Variants in REXO5 observed in about 807,000 individuals in gnomAD.
REXO5 encodes exonuclease NEF-sp.
In REXO5, 48 loss-of-function variants were observed where a neutral mutation model predicts 88.5. The ratio of observed to expected loss-of-function variants is 0.54; its 90% CI spans 0.43 to 0.69. The LOEUF (loss-of-function observed/expected upper bound fraction) is 0.69. REXO5 is among the 30% of genes least tolerant of loss of function. The pLI is 0.00. For synonymous variants in REXO5, 311 were observed against 336.5 expected (o/e 0.92, Z 0.83); for missense variants, 749 against 912.2 (o/e 0.82, Z 2.30).
intron 9 of REXO5, 70 bp from the exon 10 acceptor site, chr16:20,827,283 C>T (rs2081274056): frequency 6.2e-7 from 1 of 1,600,316 alleles, no homozygotes; most frequent in African/African-American, 1.3e-5. Flanking sequence ...TCTTCTCTCC[C>T]ACCCTGCTAG....
intron 2 of REXO5, among the ~76,000 whole-genome samples, chr16:20,812,386 G>A (rs1774121343): frequency 6.6e-6 from 1 of 152,112 alleles, no homozygotes; most frequent in Non-Finnish European, 1.5e-5. Context: ...TTAGCCAGGT[G>A]TGGTGGCATA....
chr16:20,832,276 GAA>G lies in REXO5; in HGVS notation c.1262+19_1262+20del. The G allele has an allele frequency of 6.6e-7, 1 of 1,522,222 alleles. No homozygotes were observed. The highest frequency in any genetic ancestry group is 9.1e-7 in the Non-Finnish European group (1 of 1,104,570). The allele number at this position is 1,522,222 out of a possible 1,614,324, so 94.3% of individuals were successfully genotyped here. A position where few individuals can be genotyped will look rare whatever the true frequency, so the allele number is the denominator to read the frequency against. ...AAACACAAGGTAATATTTTCAGTTT[GAA>G]ACAAGAGCAAAGACAAATGGAGTAT... On this transcript the variant is annotated intron_variant, in intron 12 of 19. Transcript: ENST00000261377.
intron 6 of REXO5, chr16:20,823,572 G>A (rs2081218149): frequency 6.6e-6 from 1 of 152,156 alleles, no homozygotes; most frequent in African/African-American, 2.4e-5. Context: ...TGAGATTTGA[G>A]GCTGCCTTTC....
At chr16:20,820,527 TA>T (rs2081156743) in intron 5 of REXO5, among the ~76,000 whole-genome samples, 1 of 9,952 alleles carries the variant, frequency 1.0e-4, no homozygotes, top group Non-Finnish European at 2.3e-4. Flanking sequence ...TATATATATA[TA>T]TATATATATA....
chr16:20,840,597 C>T, intron 15 of REXO5, 129 bp downstream of exon 15: 1 of 721,830 alleles, frequency 1.4e-6, no homozygotes, highest in Non-Finnish European at 2.2e-6. Context: ...GTGAGACATA[C>T]TCTAATGAGA....
At chr16:20,815,561 A>G (rs949763655) in intron 4 of REXO5, among the ~76,000 whole-genome samples, 1 of 151,960 alleles carries the variant, frequency 6.6e-6, no homozygotes, top group African/African-American at 2.4e-5. Context: ...GCTTTCATTT[A>G]TTGAGCACTT....
chr16:20,843,085 T>G (rs1259612847), intron 15 of REXO5, among the ~76,000 whole-genome samples: 2 of 152,232 alleles, frequency 1.3e-5, no homozygotes, highest in Non-Finnish European at 2.9e-5. Context: ...GTTTCCCTAA[T>G]GATTAGTGAT....
At chr16:20,847,436 CAAA>C (rs550642998) in intron 19 of REXO5, among the ~76,000 whole-genome samples, 12 of 80,538 alleles carry the variant, frequency 1.5e-4, no homozygotes, top group Admixed American at 4.2e-4. Context: ...ACTCTTATCT[CAAA>C]AAAAAAAAAA....
At chr16:20,842,372 T>G (rs1408773729) in intron 15 of REXO5, among the ~76,000 whole-genome samples, 1 of 152,228 alleles carries the variant, frequency 6.6e-6, no homozygotes, top group East Asian at 1.9e-4. Flanking sequence ...GTATTAGAAT[T>G]TCATTTTCAA....
intron 8 of REXO5, among the ~76,000 whole-genome samples, 179 bp downstream of exon 8, chr16:20,826,127 T>C (rs983486449): frequency 6.6e-6 from 1 of 152,350 alleles, no homozygotes; most frequent in East Asian, 1.9e-4. Context: ...TGTATAATGC[T>C]CTTGCCCTTC....
chr16:20,825,441 ACC>A, intron 7 of REXO5: 1 of 156,540 alleles, frequency 6.4e-6, no homozygotes, highest in Admixed American at 6.5e-5. Flanking sequence ...AATAAAGCCT[ACC>A]TCAAAAGGTA....
chr16:20,818,688 A>G (rs1363942120), intron 5 of REXO5, among the ~76,000 whole-genome samples: 1 of 152,190 alleles, frequency 6.6e-6, no homozygotes, highest in Non-Finnish European at 1.5e-5. Context: ...CCAGGCTGGT[A>G]TTGAACGCTT....
At chr16:20,839,715 T>C (rs1305682985) in intron 13 of REXO5, 40 bp from the exon 14 acceptor site, 1 of 1,382,866 alleles carries the variant, frequency 7.2e-7, no homozygotes, top group Admixed American at 1.9e-5. Context: ...CAATAGAGTA[T>C]GAGGTTCCTA....
Position 20,806,716 on chromosome 16 carries a change from C to G in REXO5, c.-3+11C>G, listed in dbSNP as rs1238086529. 9.1e-6 allele frequency: 9 copies of G among 985,766 alleles called. No homozygotes were observed. Among genetic ancestry groups the G allele is most frequent in the Non-Finnish European group, 1.3e-5 (9 of 690,972 alleles). 61.1% of individuals were successfully genotyped at this position (985,766 alleles called of 1,614,324 possible). ...ACCGTTGAGAATCCGGTAACCGATG[C>G]GGACGGTAAAGCCGTTTGGGTTAGA... On this transcript the variant is annotated intron_variant, in intron 1 of 19. Coordinates refer to ENST00000261377, the MANE Select transcript of REXO5 (RefSeq NM_030941.3).
chr16:20,816,009 A>T, intron 4 of REXO5, 107 bp from the exon 5 acceptor site: 1 of 810,000 alleles, frequency 1.2e-6, no homozygotes, highest in Non-Finnish European at 2.0e-6. Context: ...GCTAACAATT[A>T]CTGTCTAGAA....
intron 13 of REXO5, 23 bp downstream of exon 13, chr16:20,833,146 G>A (rs1396775161): frequency 6.2e-7 from 1 of 1,608,906 alleles, no homozygotes; most frequent in Non-Finnish European, 8.5e-7. Flanking sequence ...CTGAACCTTT[G>A]CAGGTTATAT....
intron 12 of REXO5, 24 bp from the exon 13 acceptor site, chr16:20,832,979 C>G: frequency 6.2e-7 from 1 of 1,601,206 alleles, no homozygotes; most frequent in Non-Finnish European, 8.5e-7. Flanking sequence ...TTGTTCTTAC[C>G]TTAACTCTTC....
chr16:20,829,273 A>C (rs142962691), intron 11 of REXO5, among the ~76,000 whole-genome samples: 1,974 of 152,252 alleles, frequency 0.013, 40 homozygotes, highest in South Asian at 0.039. Flanking sequence ...ACTAAGCACT[A>C]TCCTGGTGGT....
Position 20,846,340 on chromosome 16 carries a change from G to T in REXO5, c.2243+1G>T. The T allele has an allele frequency of 3.1e-6, 5 of 1,608,788 alleles. 1 individual carries two copies. The East Asian group carries it at 1.1e-4, about 36-fold the overall frequency. Reference sequence around the variant, plus strand: ...TCATCCTGCTGCCAGGAACCAAGAGGTAAGGACTAGAAAGGGTATCCCTTC... The same window carrying T: ...TCATCCTGCTGCCAGGAACCAAGAGTTAAGGACTAGAAAGGGTATCCCTTC... On this transcript the variant is annotated splice_donor_variant, in intron 19 of 19. Coordinates refer to ENST00000261377, the MANE Select transcript of REXO5 (RefSeq NM_030941.3). LOFTEE classifies it high-confidence loss of function.
Sources: allele counts gnomAD v4.1 joint callset (sites outside exome capture counted in the v4.1 genomes callset), GRCh38; gene constraint gnomAD v4.1.1; transcripts MANE v1.5; gene names NCBI Gene and HGNC (gene_info 2026-07-23, HGNC 2026-07-21).